COL19A1: variants seen among roughly 807,000 people sequenced by gnomAD.
COL19A1 encodes the protein collagen type XIX alpha 1 chain.
Under a neutral mutation model 190.2 loss-of-function variants are expected in COL19A1, and 159 were observed. The observed-to-expected ratio is 0.84, with a 90% CI of 0.73 to 0.95. COL19A1 has a LOEUF of 0.95. Ranked by LOEUF, COL19A1 falls within the 40% of genes least tolerant of loss-of-function variation. COL19A1 has a pLI of 0.00. For synonymous variants in COL19A1, 509 were observed against 458.9 expected, an observed-to-expected ratio of 1.11 and a Z score of -1.39; for missense variants, 1,418 against 1,431.9, an observed-to-expected ratio of 0.99 and a Z score of 0.16.
At chr6:69,913,256 C>G (rs1470619720) in intron 4 of COL19A1, among the ~76,000 whole-genome samples, 1 of 151,988 alleles carries the variant, frequency 6.6e-6, no homozygotes, top group Non-Finnish European at 1.5e-5. Context: ...TTATTTCTAC[C>G]TTCAGCTTTG....
intron 8 of COL19A1, among the ~76,000 whole-genome samples, chr6:69,937,816 A>G (rs1348422246): frequency 6.6e-6 from 1 of 152,106 alleles, no homozygotes; most frequent in Non-Finnish European, 1.5e-5. Flanking sequence ...TCTGGAGGAG[A>G]TGATGCTAAA....
chr6:70,185,017 A>G (rs2296005), intron 46 of COL19A1, 102 bp downstream of exon 46: 3 of 1,086,598 alleles, frequency 2.8e-6, no homozygotes, highest in Non-Finnish European at 4.0e-6. Flanking sequence ...CAAATCACCA[A>G]ATCTATAAAG....
rs1266463313 is a variant in COL19A1, at chr6:70,156,832, A to G, written c.2292+109A>G. Reference sequence around the variant, plus strand: ...TAGCTCAGATCTGATGCTATAACCAATAAAAACAAAGACCACTTAGAGCTT... The same window carrying G: ...TAGCTCAGATCTGATGCTATAACCAGTAAAAACAAAGACCACTTAGAGCTT... On this transcript the variant is annotated intron_variant, in intron 34 of 50. Transcript: ENST00000620364. 5.6e-6 allele frequency: 4 copies of G among 708,948 alleles called. No homozygotes were observed. In the East Asian group the frequency reaches 1.1e-4, roughly 20 times the overall value. 43.9% of individuals were successfully genotyped at this position (708,948 alleles called of 1,614,324 possible). A position where few individuals can be genotyped will look rare whatever the true frequency, so the allele number is the denominator to read the frequency against.
At chr6:69,928,472 T>C (rs1772537514) in intron 5 of COL19A1, among the ~76,000 whole-genome samples, 1 of 152,110 alleles carries the variant, frequency 6.6e-6, no homozygotes, top group African/African-American at 2.4e-5. Context: ...TCAATAAAAA[T>C]TTATGGAACA....
chr6:70,152,360 A>G (rs1022166246), intron 31 of COL19A1, among the ~76,000 whole-genome samples: 1 of 152,136 alleles, frequency 6.6e-6, no homozygotes, highest in Non-Finnish European at 1.5e-5. Context: ...TATTTGTTTA[A>G]TTGAATTCAA....
At chr6:70,150,599 G>A (rs768669632) in intron 30 of COL19A1, among the ~76,000 whole-genome samples, 6 of 152,034 alleles carry the variant, frequency 3.9e-5, no homozygotes, top group Admixed American at 2.6e-4. Flanking sequence ...CCTCAGACTC[G>A]GCAGTTATAA....
At chr6:70,175,852 A>G (rs1479353239) in intron 41 of COL19A1, among the ~76,000 whole-genome samples, 2 of 152,200 alleles carry the variant, frequency 1.3e-5, no homozygotes, top group Non-Finnish European at 2.9e-5. Context: ...CTCGTCATTC[A>G]TTAAATCAAG....
intron 48 of COL19A1, among the ~76,000 whole-genome samples, chr6:70,195,305 G>C (rs1767130760): frequency 6.6e-6 from 1 of 152,002 alleles, no homozygotes; most frequent in African/African-American, 2.4e-5. Context: ...GCATACATAA[G>C]AGCAGGGTTT....
chr6:70,198,570 C>A (rs1253449667), intron 48 of COL19A1, among the ~76,000 whole-genome samples: 2 of 151,958 alleles, frequency 1.3e-5, no homozygotes, highest in African/African-American at 2.4e-5. Context: ...ATAAACAAAC[C>A]AAGCAATTTT....
In COL19A1 at chr6:69,870,557, G is replaced by A. The variant is rs1031615100; in HGVS notation, c.-33+3917G>A. Among the ~76,000 whole-genome samples, 8 of 152,294 alleles carry A rather than the reference G, an allele frequency of 5.3e-5. No homozygotes were observed. The South Asian group carries it at 8.3e-4, about 16-fold the overall frequency. ...TGTGAATTGTTAATAATTTGATGGC[G>A]GAGAGTGTTTGGAAGGAGGTAGCAG... is the stretch of plus-strand genomic sequence containing the variant. On this transcript the variant is annotated intron_variant, in intron 1 of 50. Coordinates refer to ENST00000620364, the MANE Select transcript of COL19A1 (RefSeq NM_001858.6).
intron 2 of COL19A1, chr6:69,880,020 A>G (rs752532932): frequency 2.8e-5 from 8 of 290,796 alleles, no homozygotes; most frequent in Non-Finnish European, 5.0e-5. Context: ...AGGATTAACA[A>G]GGACATATCT....
At chr6:69,982,908 C>T (rs950498951) in intron 11 of COL19A1, among the ~76,000 whole-genome samples, 8 of 151,212 alleles carry the variant, frequency 5.3e-5, no homozygotes, top group African/African-American at 1.7e-4. Flanking sequence ...GGAGGCAGAG[C>T]TTGCAGTGAG....
At chr6:70,198,841 C>G (rs1364364547) in intron 48 of COL19A1, among the ~76,000 whole-genome samples, 1 of 152,182 alleles carries the variant, frequency 6.6e-6, no homozygotes, top group Non-Finnish European at 1.5e-5. Context: ...CTCAGGATCT[C>G]TAATGAAGTT....
intron 11 of COL19A1, among the ~76,000 whole-genome samples, chr6:69,967,875 A>G (rs1215702031): frequency 6.6e-6 from 1 of 152,236 alleles, no homozygotes; most frequent in Non-Finnish European, 1.5e-5. Context: ...CGTACAAAAT[A>G]TAATATTCAA....
chr6:70,032,036 C>A (rs1323994814), intron 12 of COL19A1, among the ~76,000 whole-genome samples: 1 of 152,110 alleles, frequency 6.6e-6, no homozygotes, highest in Non-Finnish European at 1.5e-5. Flanking sequence ...ACTCTAACTA[C>A]AACAAGGACA....
intron 5 of COL19A1, among the ~76,000 whole-genome samples, chr6:69,928,614 C>A (rs1772549252): frequency 6.6e-6 from 1 of 152,036 alleles, no homozygotes. Context: ...TGAACAAGTG[C>A]AGTGGTAGAG....
chr6:69,910,620 T>G (rs909725490), intron 4 of COL19A1, among the ~76,000 whole-genome samples: 1 of 152,210 alleles, frequency 6.6e-6, no homozygotes, highest in Non-Finnish European at 1.5e-5. Flanking sequence ...TCTATTTTGA[T>G]AATTACTTGG....
At chr6:70,081,233 T>A (rs1430063086) in intron 15 of COL19A1, among the ~76,000 whole-genome samples, 1 of 152,198 alleles carries the variant, frequency 6.6e-6, no homozygotes, top group African/African-American at 2.4e-5. Context: ...TTAAGACTTA[T>A]AATATTTCTA....
chr6:69,984,555 G>T (rs146800407), intron 11 of COL19A1, among the ~76,000 whole-genome samples: 1 of 151,780 alleles, frequency 6.6e-6, no homozygotes, highest in Non-Finnish European at 1.5e-5. Flanking sequence ...TTCTTAAGTC[G>T]CAAGCCCTAA....
Sources: allele counts gnomAD v4.1 joint callset (sites outside exome capture counted in the v4.1 genomes callset), GRCh38; gene constraint gnomAD v4.1.1; transcripts MANE v1.5; gene names NCBI Gene and HGNC (gene_info 2026-07-23, HGNC 2026-07-21).